The following ROBO1 variants were observed in gnomAD, a reference collection of about 807,000 sequenced individuals.
The protein encoded by ROBO1 is roundabout guidance receptor 1.
ROBO1 carries 149 observed loss-of-function variants against 195.9 expected under a neutral mutation model. That is an observed-to-expected ratio of 0.76 (90% CI 0.67 to 0.87). ROBO1 has a LOEUF of 0.87. Ranked by LOEUF, ROBO1 falls within the 40% of genes least tolerant of loss-of-function variation. The pLI is 0.00. For synonymous variants in ROBO1, 816 were observed against 733.2 expected (o/e 1.11, Z -1.82); for missense variants, 1,933 against 2,068.3 (o/e 0.93, Z 1.27).
chr3:79,482,441 T>A (rs1167116850), intron 2 of ROBO1, among the ~76,000 whole-genome samples: 2 of 152,168 alleles, frequency 1.3e-5, no homozygotes, highest in Non-Finnish European at 2.9e-5. Flanking sequence ...CTAATGGTTT[T>A]ATAAGGGTAA....
At chr3:78,971,334 A>C (rs2076761033) in intron 3 of ROBO1, among the ~76,000 whole-genome samples, 1 of 152,196 alleles carries the variant, frequency 6.6e-6, no homozygotes, top group African/African-American at 2.4e-5. Flanking sequence ...GGTTGCAGAC[A>C]GCCAAGACTG....
At chr3:79,135,484 G>GA (rs1416459506) in intron 2 of ROBO1, among the ~76,000 whole-genome samples, 2 of 151,948 alleles carry the variant, frequency 1.3e-5, no homozygotes, top group Non-Finnish European at 2.9e-5. Context: ...AAAGTTTCCA[G>GA]AAAAAATAAC....
At chr3:78,814,899 C>A (rs988467309) in intron 4 of ROBO1, among the ~76,000 whole-genome samples, 6 of 152,066 alleles carry the variant, frequency 3.9e-5, no homozygotes, top group Non-Finnish European at 8.8e-5. Context: ...TACTTCATGT[C>A]TCTGTGCCAC....
At chr3:79,599,693 T>C (rs2107859416) in intron 1 of ROBO1, among the ~76,000 whole-genome samples, 1 of 152,096 alleles carries the variant, frequency 6.6e-6, no homozygotes, top group East Asian at 1.9e-4. Flanking sequence ...TTATTAGTAT[T>C]ACTAACATAA....
At chr3:79,421,712 T>C (rs1231758630) in intron 2 of ROBO1, among the ~76,000 whole-genome samples, 5 of 152,162 alleles carry the variant, frequency 3.3e-5, no homozygotes, top group African/African-American at 1.2e-4. Context: ...TGTTGGGTAA[T>C]TGACAATATT....
At chr3:79,705,540 TTGTC>T (rs1285278327) in intron 1 of ROBO1, among the ~76,000 whole-genome samples, 1 of 152,108 alleles carries the variant, frequency 6.6e-6, no homozygotes, top group African/African-American at 2.4e-5. Flanking sequence ...GTGGATCTAT[TTGTC>T]TGTCCTTTCA....
chr3:79,517,239 C>G (rs974420266), intron 2 of ROBO1, among the ~76,000 whole-genome samples: 2 of 152,162 alleles, frequency 1.3e-5, no homozygotes, highest in Admixed American at 1.3e-4. Flanking sequence ...GACTAGTACT[C>G]CATTATGCCA....
chr3:79,167,013 A>G (rs1430064539), intron 2 of ROBO1, among the ~76,000 whole-genome samples: 1 of 152,056 alleles, frequency 6.6e-6, no homozygotes, highest in Non-Finnish European at 1.5e-5. Context: ...CGTGTCTCCA[A>G]TGTTAAGAAC....
At chr3:78,884,648 AAAGGAAGGAAGG>A (rs780597106) in intron 4 of ROBO1, among the ~76,000 whole-genome samples, 1,460 of 107,442 alleles carry the variant, frequency 0.014, 28 homozygotes, top group African/African-American at 0.03. Context: ...AGAAAGAAAG[AAAGGAAGGAAGG>A]AAGGAAGGAA....
chr3:79,191,131 C>T (rs557159328), intron 2 of ROBO1, among the ~76,000 whole-genome samples: 2 of 151,426 alleles, frequency 1.3e-5, no homozygotes, highest in South Asian at 4.1e-4. Flanking sequence ...GTGTGAGGGG[C>T]AAGTCATCTT....
intron 1 of ROBO1, among the ~76,000 whole-genome samples, chr3:79,729,837 T>G (rs1703072855): frequency 6.6e-6 from 1 of 152,208 alleles, no homozygotes. Flanking sequence ...AGTTGATGAT[T>G]TGGTAGATTT....
At chr3:79,044,922 A>T (rs1355172550) in intron 3 of ROBO1, among the ~76,000 whole-genome samples, 1 of 152,070 alleles carries the variant, frequency 6.6e-6, no homozygotes, top group Non-Finnish European at 1.5e-5. Flanking sequence ...TTGAGAATAG[A>T]AATACTCAAA....
intron 2 of ROBO1, among the ~76,000 whole-genome samples, chr3:79,168,646 C>T (rs1209057057): frequency 6.6e-6 from 1 of 152,034 alleles, no homozygotes; most frequent in African/African-American, 2.4e-5. Context: ...TTCTGTGTCC[C>T]AAACTCTTCA....
At chr3:79,675,140 T>TTTGGTC (rs1946746938) in intron 1 of ROBO1, among the ~76,000 whole-genome samples, 2 of 152,048 alleles carry the variant, frequency 1.3e-5, no homozygotes, top group African/African-American at 4.8e-5. Context: ...GAAAACAACA[T>TTTGGTC]TAAACGTGCA....
intron 3 of ROBO1, among the ~76,000 whole-genome samples, chr3:78,943,966 T>G (rs9842144): frequency 0.097 from 14,817 of 152,268 alleles, 1,691 homozygotes; most frequent in African/African-American, 0.28. Context: ...ATGGTAATCA[T>G]CATCTTTATT....
intron 2 of ROBO1, among the ~76,000 whole-genome samples, chr3:79,222,498 TATAAC>T (rs2082157104): frequency 1.3e-5 from 2 of 152,066 alleles, no homozygotes; most frequent in Admixed American, 1.3e-4. Context: ...AGAAGTCTAA[TATAAC>T]ATAAAATACC....
chr3:78,921,289 G>A (rs1222744918), intron 4 of ROBO1, among the ~76,000 whole-genome samples: 1 of 152,102 alleles, frequency 6.6e-6, no homozygotes, highest in Non-Finnish European at 1.5e-5. Flanking sequence ...TTAAATCACA[G>A]TATTTTTCTT....
rs941307382 is a variant in ROBO1, at chr3:79,358,866, C to T, written c.88+230958G>A. On this transcript the variant is annotated intron_variant, in intron 2 of 30. Transcript: ENST00000464233. Reference sequence around the variant, plus strand: ...TTTGCCATTACAAGTCACTAATGCACTGCACTATTGACGTATTTTACTGTC... The same window carrying T: ...TTTGCCATTACAAGTCACTAATGCATTGCACTATTGACGTATTTTACTGTC... 2.6e-4 allele frequency among the ~76,000 whole-genome samples: 40 copies of T among 152,046 alleles called. 1 individual carries two copies. The highest frequency in any genetic ancestry group is 9.7e-4 in the African/African-American group (40 of 41,424).
chr3:79,236,240 G>T (rs1428924957), intron 2 of ROBO1, among the ~76,000 whole-genome samples: 1 of 152,090 alleles, frequency 6.6e-6, no homozygotes, highest in Non-Finnish European at 1.5e-5. Context: ...GTTTTACACT[G>T]CAGCGAAACC....
Sources: allele counts gnomAD v4.1 joint callset (sites outside exome capture counted in the v4.1 genomes callset), GRCh38; gene constraint gnomAD v4.1.1; transcripts MANE v1.5; gene names NCBI Gene and HGNC (gene_info 2026-07-23, HGNC 2026-07-21).